PKP4: variants seen among roughly 807,000 people sequenced by gnomAD.
PKP4 encodes the protein plakophilin 4.
In PKP4, 90 loss-of-function variants were observed where a neutral mutation model predicts 145.1. The observed-to-expected ratio is 0.62, with a 90% CI of 0.52 to 0.74. The LOEUF (loss-of-function observed/expected upper bound fraction) is 0.74. Ranked by LOEUF, PKP4 falls within the 30% of genes least tolerant of loss-of-function variation. The pLI is 0.00. For missense variants in PKP4, 1,340 were observed against 1,482.7 expected (o/e 0.90, Z 1.58); for synonymous variants, 563 against 577.2 (o/e 0.98, Z 0.35).
chr2:158,573,699 A>G (rs2047602222), intron 2 of PKP4, among the ~76,000 whole-genome samples: 1 of 151,264 alleles, frequency 6.6e-6, no homozygotes, highest in Non-Finnish European at 1.5e-5. Flanking sequence ...TCTCACTGAG[A>G]TGGAGTTTTA....
intron 3 of PKP4, among the ~76,000 whole-genome samples, chr2:158,583,227 A>G (rs2048481680): frequency 6.6e-6 from 1 of 152,078 alleles, no homozygotes; most frequent in African/African-American, 2.4e-5. Flanking sequence ...TTTTCACATT[A>G]GTTGGGTTGA....
In PKP4 at chr2:158,634,208, A is replaced by T. The variant is rs752797703; in HGVS notation, c.1481A>T (p.Tyr494Phe). ...PIQYRVQECN[Y>F]NRLQHAVPAD... ...CAATACCGAGTGCAAGAGTGCAATT[A>T]TAACAGGCTTCAGCATGCAGTGCCG... The change falls in exon 9 of 22, where the codon TAT (tyrosine) becomes TTT (phenylalanine). Residue 494 changes from tyrosine to phenylalanine, a missense_variant. Transcript: ENST00000389759. 1.1e-4 allele frequency: 176 copies of T among 1,614,060 alleles called. No individual in the cohort carries two copies. Among genetic ancestry groups the T allele is most frequent in the Non-Finnish European group, 1.3e-4 (157 of 1,180,016 alleles).
chr2:158,475,402 G>GAAA (rs1284864431), intron 1 of PKP4, among the ~76,000 whole-genome samples: 1 of 152,108 alleles, frequency 6.6e-6, no homozygotes, highest in African/African-American at 2.4e-5. Context: ...CAGTGTTTTA[G>GAAA]ACACAGAGGT....
chr2:158,579,136 A>T (rs922154191), intron 3 of PKP4, among the ~76,000 whole-genome samples: 2 of 152,196 alleles, frequency 1.3e-5, no homozygotes, highest in African/African-American at 4.8e-5. Flanking sequence ...ATTGCTCAGG[A>T]GTCCCCAGTG....
At chr2:158,581,591 TAAAC>T (rs2048336352) in intron 3 of PKP4, among the ~76,000 whole-genome samples, 2 of 152,232 alleles carry the variant, frequency 1.3e-5, no homozygotes, top group South Asian at 4.1e-4. Context: ...TATGCTGTGA[TAAAC>T]AAACTGTGGA....
chr2:158,571,466 C>T (rs964742980), intron 2 of PKP4, among the ~76,000 whole-genome samples: 5 of 152,154 alleles, frequency 3.3e-5, no homozygotes, highest in Non-Finnish European at 1.5e-5. Context: ...CAGGAGCACA[C>T]CATCTCTCCT....
chr2:158,514,692 G>A (rs1341933413), intron 1 of PKP4, among the ~76,000 whole-genome samples: 2 of 152,180 alleles, frequency 1.3e-5, no homozygotes, highest in African/African-American at 2.4e-5. Context: ...TGTAATCCCA[G>A]CACTTTGGGA....
chr2:158,504,774 A>G (rs1222047712), intron 1 of PKP4, among the ~76,000 whole-genome samples: 4 of 152,248 alleles, frequency 2.6e-5, no homozygotes, highest in Non-Finnish European at 2.9e-5. Context: ...GGAATTTCCA[A>G]TACTCTGTTA....
At chr2:158,501,193 C>T (rs1164244631) in intron 1 of PKP4, among the ~76,000 whole-genome samples, 1 of 152,096 alleles carries the variant, frequency 6.6e-6, no homozygotes, top group African/African-American at 2.4e-5. Context: ...GTTGTAGCCT[C>T]CAGTGGTCCA....
At chr2:158,593,164 G>A (rs928121713) in intron 3 of PKP4, among the ~76,000 whole-genome samples, 2 of 152,148 alleles carry the variant, frequency 1.3e-5, no homozygotes, top group Non-Finnish European at 2.9e-5. Context: ...GAAGGCAACA[G>A]CATTTTGTAG....
chr2:158,621,180 G>T (rs190340584), intron 5 of PKP4, 51 bp from the exon 6 acceptor site: 2 of 1,612,718 alleles, frequency 1.2e-6, no homozygotes, highest in East Asian at 4.5e-5. Context: ...TCTTGAAAGC[G>T]AGTGTCAGAA....
chr2:158,629,305 C>G (rs541939870), intron 7 of PKP4, among the ~76,000 whole-genome samples: 5 of 152,268 alleles, frequency 3.3e-5, no homozygotes, highest in Non-Finnish European at 5.9e-5. Context: ...TGAGGGATAG[C>G]TGTGTCCAGT....
At chr2:158,494,060 T>C (rs1695332851) in intron 1 of PKP4, among the ~76,000 whole-genome samples, 1 of 152,162 alleles carries the variant, frequency 6.6e-6, no homozygotes, top group South Asian at 2.1e-4. Context: ...TGATAAAAGT[T>C]GGATCTTTTT....
At chr2:158,598,670 G>C (rs1220526132) in intron 3 of PKP4, among the ~76,000 whole-genome samples, 1 of 152,168 alleles carries the variant, frequency 6.6e-6, no homozygotes, top group African/African-American at 2.4e-5. Flanking sequence ...TTGGGAGGCT[G>C]AGGGAGGAGA....
intron 1 of PKP4, among the ~76,000 whole-genome samples, chr2:158,522,622 G>T (rs1467593065): frequency 6.6e-6 from 1 of 152,216 alleles, no homozygotes; most frequent in Non-Finnish European, 1.5e-5. Flanking sequence ...CCTGGAGGGG[G>T]AGGAGCCAAG....
intron 2 of PKP4, among the ~76,000 whole-genome samples, chr2:158,564,440 G>C (rs548177606): frequency 6.6e-6 from 1 of 152,266 alleles, no homozygotes; most frequent in South Asian, 2.1e-4. Context: ...CATTCAAATT[G>C]TTTCAAATGA....
At chr2:158,523,269 C>T (rs927596872) in intron 1 of PKP4, among the ~76,000 whole-genome samples, 12 of 145,688 alleles carry the variant, frequency 8.2e-5, no homozygotes, top group East Asian at 4.1e-4. Flanking sequence ...TCTCCCAGCA[C>T]GCAGATGGAG....
chr2:158,678,910 C>A, intron 21 of PKP4: 2 of 527,940 alleles, frequency 3.8e-6, no homozygotes, highest in Admixed American at 3.1e-5. Context: ...GTCTTTAGTT[C>A]ATGTCTTTTG....
intron 1 of PKP4, among the ~76,000 whole-genome samples, chr2:158,509,591 A>G (rs981378776): frequency 1.3e-5 from 2 of 152,218 alleles, no homozygotes; most frequent in Non-Finnish European, 2.9e-5. Flanking sequence ...TATAGCTCTG[A>G]TTTATAGGGT....
Sources: allele counts gnomAD v4.1 joint callset (sites outside exome capture counted in the v4.1 genomes callset), GRCh38; gene constraint gnomAD v4.1.1; transcripts MANE v1.5; gene names NCBI Gene and HGNC (gene_info 2026-07-23, HGNC 2026-07-21).